ADAM23: variants seen among roughly 807,000 people sequenced by gnomAD.
ADAM23 encodes the protein disintegrin and metalloproteinase domain-containing protein 23.
A neutral mutation model predicts 120.1 loss-of-function variants in ADAM23; 33 were observed. The observed-to-expected ratio is 0.27, with a 90% CI of 0.21 to 0.37. ADAM23 has a LOEUF of 0.37. ADAM23 is among the 10% of genes least tolerant of loss of function. ADAM23 has a pLI of 1.00. For synonymous variants in ADAM23, 367 were observed against 375.2 expected (o/e 0.98, Z 0.25); for missense variants, 862 against 1,058.2 (o/e 0.81, Z 2.57).
chr2:206,559,365 TA>T, intron 10 of ADAM23, among the ~76,000 whole-genome samples: 1 of 152,216 alleles, frequency 6.6e-6, no homozygotes, highest in Non-Finnish European at 1.5e-5. Context: ...GGGAACAATT[TA>T]AATATTGTGG....
At chr2:206,551,072 A>G (rs1697515545) in intron 9 of ADAM23, among the ~76,000 whole-genome samples, 1 of 152,194 alleles carries the variant, frequency 6.6e-6, no homozygotes, top group Non-Finnish European at 1.5e-5. Flanking sequence ...AACTATACTT[A>G]ACCGTTTCCT....
At chr2:206,529,276 C>T (rs1342413091) in intron 3 of ADAM23, among the ~76,000 whole-genome samples, 1 of 152,196 alleles carries the variant, frequency 6.6e-6, no homozygotes, top group African/African-American at 2.4e-5. Context: ...ATGAGATTCA[C>T]ATCCTTGACC....
At chr2:206,600,099 G>A (rs576549966) in intron 24 of ADAM23, among the ~76,000 whole-genome samples, 1 of 152,332 alleles carries the variant, frequency 6.6e-6, no homozygotes, top group East Asian at 1.9e-4. Flanking sequence ...CTACTCGGGA[G>A]GCTGAGGCAG....
At position 206,596,157 on chromosome 2, in the gene ADAM23, C is replaced by G; in HGVS notation, c.2354C>G (p.Pro785Arg). ...CTTCACCCCCCCAAGGATGAAGGACCCAAGGGTTTGTGTGATTTTGGTTTC... is the reference window on the plus strand; with the variant it reads ...CTTCACCCCCCCAAGGATGAAGGACGCAAGGGTTTGTGTGATTTTGGTTTC... ...RNLHPPKDEG[P>R]KGPSATNLII... Residue 785 changes from proline (P) to arginine (R), a missense_variant, in exon 24 of 26, where the codon CCC becomes CGC. Transcript: ENST00000264377. The G allele has an allele frequency of 6.2e-7, 1 of 1,613,134 alleles. No individual in the cohort carries two copies. Among genetic ancestry groups the G allele is most frequent in the Non-Finnish European group, 8.5e-7 (1 of 1,179,444 alleles).
At chr2:206,600,788 A>T (rs1049232571) in intron 24 of ADAM23, among the ~76,000 whole-genome samples, 1 of 152,168 alleles carries the variant, frequency 6.6e-6, no homozygotes. Flanking sequence ...ATTCACGCCA[A>T]CTTCTCAAAC....
intron 10 of ADAM23, 53 bp downstream of exon 10, chr2:206,557,551 C>G: frequency 6.9e-7 from 1 of 1,457,360 alleles, no homozygotes; most frequent in Non-Finnish European, 9.6e-7. Flanking sequence ...TGGTTTATCT[C>G]TATTTGCTTA....
chr2:206,531,174 C>T (rs1384538637), intron 4 of ADAM23, among the ~76,000 whole-genome samples: 2 of 152,114 alleles, frequency 1.3e-5, no homozygotes, highest in Non-Finnish European at 2.9e-5. Flanking sequence ...ACATGCAGTA[C>T]CTTTTGTGAT....
At position 206,443,798 on chromosome 2, in the gene ADAM23, C is replaced by T. The variant is rs1392029636; in HGVS notation, c.-69C>T. 1.6e-5 allele frequency: 15 copies of T among 926,822 alleles called. No homozygotes were observed. Among genetic ancestry groups the T allele is most frequent in the Admixed American group, 5.9e-5 (1 of 16,962 alleles). The allele number at this position is 926,822 out of a possible 1,614,324, so 57.4% of individuals were successfully genotyped here. On this transcript the variant is annotated 5_prime_UTR_variant, in exon 1 of 26. Transcript: ENST00000264377. Reference sequence around the variant, plus strand: ...CCGAGCCGGCGTGACCGGCTCCGCCCGCGGCCGCCCCGCAGCTAGCCCGGC... The same window carrying T: ...CCGAGCCGGCGTGACCGGCTCCGCCTGCGGCCGCCCCGCAGCTAGCCCGGC...
chr2:206,462,078 A>G (rs981094244), intron 2 of ADAM23, among the ~76,000 whole-genome samples: 6 of 152,172 alleles, frequency 3.9e-5, no homozygotes, highest in Admixed American at 3.3e-4. Flanking sequence ...ATTTGCCGCC[A>G]GGAAGTCCAG....
intron 18 of ADAM23, among the ~76,000 whole-genome samples, chr2:206,580,684 T>C (rs1486027263): frequency 6.6e-6 from 1 of 152,232 alleles, no homozygotes; most frequent in African/African-American, 2.4e-5. Flanking sequence ...TTTTCTTTTT[T>C]GGTAATGTCC....
chr2:206,612,068 C>A (rs1156390816), intron 25 of ADAM23, among the ~76,000 whole-genome samples: 1 of 152,128 alleles, frequency 6.6e-6, no homozygotes. Flanking sequence ...TGCCCCGAAG[C>A]AAAGAAAACG....
At position 206,592,690 on chromosome 2, in the gene ADAM23, A is replaced by T; in HGVS notation, c.2032A>T (p.Ile678Phe). The T allele has an allele frequency of 6.2e-7, 1 of 1,614,052 alleles. No individual in the cohort carries two copies. Among genetic ancestry groups the T allele is most frequent in the Non-Finnish European group, 8.5e-7 (1 of 1,179,964 alleles). The stretch of plus-strand genomic sequence containing the variant: ...ACGTATTGGTCAACTTCAGGGTGAG[A>T]TCATTCCAACTTCCTTCTACCATCA... ...APRIGQLQGE[I>F]IPTSFYHQGR... The change falls in exon 22 of 26, where the codon ATC (isoleucine) becomes TTC (phenylalanine). Residue 678 changes from isoleucine to phenylalanine, a missense_variant. Physicochemically the swap from Ile to Phe is conservative, Grantham distance 21. Around this residue, in one of 4 missense-constraint regions of ADAM23, gnomAD observed 617 missense variants for 813.5 expected, o/e 0.76. Transcript: ENST00000264377.
chr2:206,456,169 G>A (rs1695295436), intron 2 of ADAM23, among the ~76,000 whole-genome samples: 1 of 152,048 alleles, frequency 6.6e-6, no homozygotes, highest in Non-Finnish European at 1.5e-5. Flanking sequence ...AGTATGACTG[G>A]GAGGTCTTAG....
rs1189729710 is a variant in ADAM23, at chr2:206,548,950, G to A, written c.867+596G>A. Among the ~76,000 whole-genome samples the A allele has an allele frequency of 3.3e-5, 5 of 152,010 alleles. No individual in the cohort carries two copies. In the South Asian group the frequency reaches 6.2e-4, roughly 19 times the overall value. On this transcript the variant is annotated intron_variant, in intron 8 of 25. Transcript: ENST00000264377. ...ATATACTTCACATGTATTGATAAAC[G>A]TATAGGGGCTTTGTAATTGAAATTA...
intron 2 of ADAM23, among the ~76,000 whole-genome samples, chr2:206,454,637 A>G (rs1695258843): frequency 6.6e-6 from 1 of 152,214 alleles, no homozygotes; most frequent in Non-Finnish European, 1.5e-5. Flanking sequence ...GTGAGTCTGT[A>G]AAATAAAAAA....
At chr2:206,526,419 TTA>T (rs1287871727) in intron 3 of ADAM23, among the ~76,000 whole-genome samples, 1 of 152,210 alleles carries the variant, frequency 6.6e-6, no homozygotes, top group Non-Finnish European at 1.5e-5. Flanking sequence ...CTGTAAAATG[TTA>T]TCTCTTCCCC....
At chr2:206,604,793 A>G (rs1174381540) in intron 24 of ADAM23, among the ~76,000 whole-genome samples, 2 of 152,132 alleles carry the variant, frequency 1.3e-5, no homozygotes, top group Non-Finnish European at 2.9e-5. Flanking sequence ...GTTTCGTTTC[A>G]CTGTCTCAGA....
intron 2 of ADAM23, among the ~76,000 whole-genome samples, chr2:206,453,332 C>G (rs1695234424): frequency 6.6e-6 from 1 of 152,190 alleles, no homozygotes; most frequent in Admixed American, 6.5e-5. Context: ...ATTCCTGCTT[C>G]AGAACATCAT....
rs13408987 is a variant in ADAM23, at chr2:206,450,227, A to G, written c.432+4703A>G. The stretch of plus-strand genomic sequence containing the variant: ...AGGAATTAATTTTAAAAATCAATAG[A>G]AAGTTTTATACTGTGGAACATGGGG... On this transcript the variant is annotated intron_variant, in intron 2 of 25. Transcript: ENST00000264377. Among the ~76,000 whole-genome samples, 863 of 152,300 alleles carry G rather than the reference A, an allele frequency of 5.7e-3. 7 individuals carry two copies. The highest frequency in any genetic ancestry group is 0.02 in the African/African-American group (817 of 41,560).
Sources: allele counts gnomAD v4.1 joint callset (sites outside exome capture counted in the v4.1 genomes callset), GRCh38; gene constraint gnomAD v4.1.1; regional missense constraint gnomAD v4.1.1; transcripts MANE v1.5; gene names NCBI Gene and HGNC (gene_info 2026-07-23, HGNC 2026-07-21).